TMTC1: variants seen among roughly 807,000 people sequenced by gnomAD.
TMTC1 encodes the protein protein O-mannosyl-transferase TMTC1.
TMTC1 carries 73 observed loss-of-function variants against 104.8 expected under a neutral mutation model. The ratio of observed to expected loss-of-function variants is 0.70; its 90% CI spans 0.58 to 0.85. TMTC1 has a LOEUF of 0.85. TMTC1 is among the 40% of genes least tolerant of loss of function. The pLI is 0.00. For synonymous variants in TMTC1, 434 were observed against 428.7 expected, an observed-to-expected ratio of 1.01 and a Z score of -0.15; for missense variants, 1,035 against 1,096.1, an observed-to-expected ratio of 0.94 and a Z score of 0.79.
intron 5 of TMTC1, among the ~76,000 whole-genome samples, chr12:29,692,468 G>C (rs1424105276): frequency 2.1e-5 from 3 of 144,830 alleles, no homozygotes; most frequent in Non-Finnish European, 4.5e-5. Flanking sequence ...CCACGCACTA[G>C]AGTGGCCATA....
intron 11 of TMTC1, chr12:29,535,603 T>A (rs369397080): frequency 6.6e-6 from 1 of 152,462 alleles, no homozygotes; most frequent in African/African-American, 2.4e-5. Context: ...GGGCACTATG[T>A]GTGTCAACAA....
intron 5 of TMTC1, among the ~76,000 whole-genome samples, chr12:29,671,221 G>T (rs1013643842): frequency 1.3e-5 from 2 of 151,194 alleles, no homozygotes; most frequent in East Asian, 2.0e-4. Context: ...ACCTGAACCT[G>T]GGAGGCCTCC....
chr12:29,743,322 A>G (rs1942874229), intron 5 of TMTC1, among the ~76,000 whole-genome samples: 2 of 152,168 alleles, frequency 1.3e-5, no homozygotes, highest in African/African-American at 4.8e-5. Context: ...CAAAATTGTA[A>G]GCCACCTGTA....
intron 1 of TMTC1, among the ~76,000 whole-genome samples, chr12:29,777,026 C>G (rs1344017141): frequency 1.3e-5 from 2 of 152,140 alleles, no homozygotes; most frequent in African/African-American, 4.8e-5. Flanking sequence ...AGAAAAGAAA[C>G]AGTATCTTAT....
chr12:29,541,240 A>G (rs1470240527), intron 10 of TMTC1, among the ~76,000 whole-genome samples: 2 of 152,162 alleles, frequency 1.3e-5, no homozygotes, highest in Non-Finnish European at 2.9e-5. Flanking sequence ...CACCGCATCC[A>G]CGTTTTGAAA....
At chr12:29,644,497 A>C (rs74617323) in intron 5 of TMTC1, among the ~76,000 whole-genome samples, 6,286 of 152,078 alleles carry the variant, frequency 0.041, 170 homozygotes, top group Admixed American at 0.066. Flanking sequence ...CACCTGTACC[A>C]CCAATAACCT....
intron 5 of TMTC1, among the ~76,000 whole-genome samples, chr12:29,676,005 G>A (rs992205853): frequency 1.3e-4 from 20 of 152,164 alleles, no homozygotes; most frequent in African/African-American, 4.8e-4. Context: ...TTTCAAAAAC[G>A]AAATTGAATC....
chr12:29,603,015 T>C (rs1330632377), intron 7 of TMTC1, among the ~76,000 whole-genome samples: 1 of 152,210 alleles, frequency 6.6e-6, no homozygotes, highest in Non-Finnish European at 1.5e-5. Context: ...TACAGGTGTA[T>C]TCCCTATTAT....
intron 10 of TMTC1, among the ~76,000 whole-genome samples, chr12:29,538,278 T>G (rs1017387817): frequency 6.6e-6 from 1 of 152,238 alleles, no homozygotes; most frequent in Non-Finnish European, 1.5e-5. Flanking sequence ...CACTCAAGTT[T>G]CTATTCTATA....
At chr12:29,660,977 G>C in intron 5 of TMTC1, 1 of 622,356 alleles carries the variant, frequency 1.6e-6, no homozygotes, top group Non-Finnish European at 2.3e-6. Context: ...CTCTGAAGAA[G>C]GCTGCAGAGA....
intron 5 of TMTC1, among the ~76,000 whole-genome samples, chr12:29,676,198 C>T (rs1255018001): frequency 1.3e-5 from 2 of 152,192 alleles, no homozygotes; most frequent in Non-Finnish European, 2.9e-5. Context: ...TCATACACTG[C>T]TACGTGTGTC....
intron 7 of TMTC1, among the ~76,000 whole-genome samples, chr12:29,590,852 G>A (rs1946263821): frequency 6.6e-6 from 1 of 152,154 alleles, no homozygotes; most frequent in Non-Finnish European, 1.5e-5. Flanking sequence ...GCTAATTGGA[G>A]TGTGTAAATT....
rs1386431273 is a variant in TMTC1 at position 29,604,228 on chromosome 12, G to C, written c.1200C>G (p.Leu400=). The C allele has an allele frequency of 6.2e-7, 1 of 1,613,980 alleles. No individual in the cohort carries two copies. Among genetic ancestry groups the C allele is most frequent in the Non-Finnish European group, 8.5e-7 (1 of 1,179,908 alleles). ...CCACCACAAAACCCACCCTGAAGAAGAGGTTGCTGGCTGGAATGAACGGGA... is the reference window on the plus strand; with the variant it reads ...CCACCACAAAACCCACCCTGAAGAACAGGTTGCTGGCTGGAATGAACGGGA... ...LVFPFIPASN[L]FFRVGFVVAE... The change falls in exon 7 of 18, where the codon CTC becomes CTG. Residue 400 remains leucine, a synonymous_variant. Transcript: ENST00000539277.
intron 3 of TMTC1, among the ~76,000 whole-genome samples, chr12:29,756,537 A>T (rs1182995415): frequency 1.3e-5 from 2 of 152,206 alleles, no homozygotes; most frequent in African/African-American, 4.8e-5. Flanking sequence ...AAATTCATTT[A>T]GCCAAAATAT....
chr12:29,722,148 A>G (rs950693395), intron 5 of TMTC1, among the ~76,000 whole-genome samples: 2 of 152,168 alleles, frequency 1.3e-5, no homozygotes, highest in African/African-American at 4.8e-5. Flanking sequence ...GACCTCATGG[A>G]CCCCTTGAAA....
At chr12:29,659,371 T>C (rs1034576510) in intron 5 of TMTC1, among the ~76,000 whole-genome samples, 1 of 152,178 alleles carries the variant, frequency 6.6e-6, no homozygotes, top group Non-Finnish European at 1.5e-5. Context: ...TGCCCTTCCT[T>C]GGAGGTAAGT....
rs1157793545 is a variant in TMTC1 at position 29,751,880 on chromosome 12, G to A, written c.732-8C>T. ...CAGAGGGCCCCATTGCTCCTGTTGT[G>A]CATGGAATTGAGGGAAAACAAAGTC... On this transcript the variant is annotated splice_polypyrimidine_tract_variant and splice_region_variant and intron_variant, in intron 4 of 17. Coordinates refer to ENST00000539277, the MANE Select transcript of TMTC1 (RefSeq NM_001193451.2). 2 of 1,542,056 alleles carry A rather than the reference G, an allele frequency of 1.3e-6. No homozygotes were observed. The highest frequency in any genetic ancestry group is 2.0e-5 in the Admixed American group (1 of 49,948).
intron 5 of TMTC1, among the ~76,000 whole-genome samples, chr12:29,635,478 A>G (rs1433296137): frequency 6.6e-6 from 1 of 152,196 alleles, no homozygotes; most frequent in Non-Finnish European, 1.5e-5. Context: ...TTTTTGAGGA[A>G]ATAATGGATC....
At chr12:29,602,511 G>A (rs931836046) in intron 7 of TMTC1, among the ~76,000 whole-genome samples, 7 of 152,268 alleles carry the variant, frequency 4.6e-5, no homozygotes, top group East Asian at 3.9e-4. Context: ...TTATGCAGAT[G>A]AGAAAACAAG....
Sources: allele counts gnomAD v4.1 joint callset (sites outside exome capture counted in the v4.1 genomes callset), GRCh38; gene constraint gnomAD v4.1.1; transcripts MANE v1.5; gene names NCBI Gene and HGNC (gene_info 2026-07-23, HGNC 2026-07-21).